Variants in ITGA1 observed in about 807,000 individuals in gnomAD.
ITGA1 encodes integrin subunit alpha 1, also known as integrin alpha-1.
ITGA1 carries 85 observed loss-of-function variants against 145.9 expected under a neutral mutation model. The ratio of observed to expected loss-of-function variants is 0.58; its 90% CI spans 0.49 to 0.70. The LOEUF is 0.70. Among genes scored for constraint, ITGA1 ranks in the 30% least tolerant of loss-of-function variants. The probability of loss-of-function intolerance (pLI) is 0.00; values close to 1 mark genes in which losing one functional copy is unlikely to be tolerated. For missense variants in ITGA1, 1,351 were observed against 1,418.7 expected (o/e 0.95, Z 0.77); for synonymous variants, 520 against 495.3 (o/e 1.05, Z -0.66).
rs1258805559 is a variant in ITGA1 at position 52,915,388 on chromosome 5, T to C, written c.1858-76T>C. 12 of 1,466,914 alleles carry C rather than the reference T, an allele frequency of 8.2e-6. No homozygotes were observed. The African/African-American group carries it at 9.9e-5, about 12-fold the overall frequency. The allele number at this position is 1,466,914 out of a possible 1,614,324, so 90.9% of individuals were successfully genotyped here. On this transcript the variant is annotated intron_variant, in intron 14 of 28. Transcript: ENST00000282588. ...AAACTGATTATTTTGTTAAACAATT[T>C]AAATTCTCAGATTTATTTGAAACTG...
intron 6 of ITGA1, among the ~76,000 whole-genome samples, chr5:52,869,913 T>C (rs1229225346): frequency 6.6e-6 from 1 of 152,184 alleles, no homozygotes; most frequent in Non-Finnish European, 1.5e-5. Flanking sequence ...AAAGGACATA[T>C]TTACCAAGCC....
chr5:52,854,935 T>A (rs1187373640), intron 2 of ITGA1, among the ~76,000 whole-genome samples: 6 of 152,190 alleles, frequency 3.9e-5, no homozygotes, highest in African/African-American at 1.4e-4. Flanking sequence ...ATCTTCTCAG[T>A]CTGCATACAG....
intron 18 of ITGA1, among the ~76,000 whole-genome samples, chr5:52,923,198 T>C (rs1422866598): frequency 6.6e-6 from 1 of 152,184 alleles, no homozygotes; most frequent in African/African-American, 2.4e-5. Context: ...TAAACATGCT[T>C]CCTTATACAA....
intron 2 of ITGA1, among the ~76,000 whole-genome samples, chr5:52,860,561 A>G (rs1749583175): frequency 6.6e-6 from 1 of 152,174 alleles, no homozygotes; most frequent in African/African-American, 2.4e-5. Flanking sequence ...TAAAAATAAA[A>G]AAATAAAATA....
intron 3 of ITGA1, among the ~76,000 whole-genome samples, chr5:52,862,728 T>C (rs1487668297): frequency 6.6e-6 from 1 of 152,156 alleles, no homozygotes; most frequent in African/African-American, 2.4e-5. Flanking sequence ...ACATAAATAG[T>C]AGGAATGTGA....
At position 52,787,995 on chromosome 5, in the gene ITGA1, G is replaced by A. The variant is rs1561207382; in HGVS notation, c.-359G>A. ...CAATGAAAGGCAGATGTCCCTTTAA[G>A]GTTTGCTTCTACAGCCCGTGGACTT... On this transcript the variant is annotated 5_prime_UTR_variant, in exon 1 of 29. Coordinates refer to ENST00000282588, the MANE Select transcript of ITGA1 (RefSeq NM_181501.2). 1 of 239,906 alleles carries A rather than the reference G, an allele frequency of 4.2e-6. No homozygotes were observed. Among genetic ancestry groups the A allele is most frequent in the African/African-American group, 2.2e-5 (1 of 44,478 alleles). 14.9% of individuals were successfully genotyped at this position (239,906 alleles called of 1,614,324 possible). A position where few individuals can be genotyped will look rare whatever the true frequency, so the allele number is the denominator to read the frequency against.
intron 1 of ITGA1, among the ~76,000 whole-genome samples, chr5:52,840,982 T>C (rs1186500101): frequency 6.6e-6 from 1 of 152,222 alleles, no homozygotes; most frequent in Non-Finnish European, 1.5e-5. Flanking sequence ...TTGTAATAAC[T>C]GGAGACCCAC....
intron 1 of ITGA1, among the ~76,000 whole-genome samples, chr5:52,798,287 GGA>G (rs1364003419): frequency 3.9e-5 from 6 of 152,230 alleles, no homozygotes; most frequent in Admixed American, 2.0e-4. Flanking sequence ...GGAAGTAAGG[GGA>G]GACATAGAGA....
chr5:52,881,090 T>C (rs1247516417), intron 6 of ITGA1, among the ~76,000 whole-genome samples: 1 of 151,936 alleles, frequency 6.6e-6, no homozygotes, highest in Non-Finnish European at 1.5e-5. Context: ...AGGAAGGCAG[T>C]AGGAAAGGAA....
intron 26 of ITGA1, among the ~76,000 whole-genome samples, chr5:52,944,189 A>C (rs1398028422): frequency 1.3e-5 from 2 of 152,270 alleles, no homozygotes; most frequent in South Asian, 2.1e-4. Flanking sequence ...CCTGGGCTCC[A>C]TGCTAGCTGA....
chr5:52,880,993 G>T (rs1011873732), intron 6 of ITGA1, among the ~76,000 whole-genome samples: 2 of 152,158 alleles, frequency 1.3e-5, no homozygotes, highest in Non-Finnish European at 2.9e-5. Context: ...AAATCTGGGG[G>T]CACTTTCCCT....
chr5:52,874,725 T>TA (rs931046442), intron 6 of ITGA1, among the ~76,000 whole-genome samples: 22 of 152,022 alleles, frequency 1.4e-4, no homozygotes, highest in African/African-American at 3.6e-4. Context: ...TCAAGAGCAA[T>TA]AAAAAAAATC....
At chr5:52,932,886 T>C (rs773898553) in intron 22 of ITGA1, 4 of 152,138 alleles carry the variant, frequency 2.6e-5, no homozygotes, top group Non-Finnish European at 5.9e-5. Context: ...ACTATCTCCA[T>C]TTTCCAGTTG....
At chr5:52,889,277 T>C (rs1028136202) in intron 8 of ITGA1, among the ~76,000 whole-genome samples, 2 of 152,056 alleles carry the variant, frequency 1.3e-5, no homozygotes, top group African/African-American at 4.8e-5. Flanking sequence ...AATTTTTTTA[T>C]TTTTAGTAGA....
intron 3 of ITGA1, among the ~76,000 whole-genome samples, chr5:52,863,154 T>C (rs1749633910): frequency 6.6e-6 from 1 of 152,234 alleles, no homozygotes; most frequent in Non-Finnish European, 1.5e-5. Context: ...GCAGGAAATT[T>C]ACTTGGCTCA....
At chr5:52,873,646 T>A (rs1217778346) in intron 6 of ITGA1, among the ~76,000 whole-genome samples, 1 of 152,212 alleles carries the variant, frequency 6.6e-6, no homozygotes, top group Non-Finnish European at 1.5e-5. Context: ...TCACTACATT[T>A]ATATCCTGAC....
chr5:52,866,230 G>A (rs907753754), intron 6 of ITGA1, among the ~76,000 whole-genome samples: 95 of 152,216 alleles, frequency 6.2e-4, no homozygotes, highest in African/African-American at 2.2e-3. Context: ...TGGCCAGGCT[G>A]GTCTCAAACT....
At chr5:52,827,472 T>C (rs971025411) in intron 1 of ITGA1, among the ~76,000 whole-genome samples, 11 of 152,156 alleles carry the variant, frequency 7.2e-5, no homozygotes, top group Non-Finnish European at 1.5e-4. Context: ...AATGTCAGGA[T>C]TTGAGGATTG....
chr5:52,937,380 A>G, intron 23 of ITGA1, 21 bp from the exon 24 acceptor site: 1 of 1,466,768 alleles, frequency 6.8e-7, no homozygotes, highest in South Asian at 1.1e-5. Flanking sequence ...GAAAGATTAC[A>G]TTTCCATTTT....
Sources: allele counts gnomAD v4.1 joint callset (sites outside exome capture counted in the v4.1 genomes callset), GRCh38; gene constraint gnomAD v4.1.1; transcripts MANE v1.5; gene names NCBI Gene and HGNC (gene_info 2026-07-23, HGNC 2026-07-21).